The following PSPC1 variants were observed in gnomAD, a reference collection of about 807,000 sequenced individuals.
The protein encoded by PSPC1 is paraspeckle protein 1.
In PSPC1, 14 loss-of-function variants were observed where a neutral mutation model predicts 51.6. The observed-to-expected ratio is 0.27, with a 90% CI of 0.18 to 0.42. PSPC1 has a LOEUF of 0.42. PSPC1 is among the 10% of genes least tolerant of loss of function. The probability of loss-of-function intolerance (pLI) is 1.00; values close to 1 mark genes in which losing one functional copy is unlikely to be tolerated. For missense variants in PSPC1, 406 were observed against 701.1 expected, an observed-to-expected ratio of 0.58 and a Z score of 4.75; for synonymous variants, 193 against 231.9, an observed-to-expected ratio of 0.83 and a Z score of 1.53.
Position 19,759,407 on chromosome 13 carries a change from G to A in PSPC1, c.686C>T (p.Pro229Leu). The change falls in exon 3 of 9, where the codon CCA becomes CTA. Residue 229 changes from proline (P) to leucine (L), a missense_variant. Pro to Leu is a moderately conservative substitution (Grantham distance 98). This residue lies in a region of PSPC1 where 180 missense variants were observed against 337.9 expected (regional missense o/e 0.53). Coordinates refer to ENST00000338910, the MANE Select transcript of PSPC1 (RefSeq NM_001354909.2). ...GAFLLTTTPR[P>L]VIVEPMEQFD... The stretch of plus-strand genomic sequence containing the variant: ...CTGCTCCATGGGTTCCACAATGACT[G>A]GACGAGGGGTCCTGGATAGGTATAA... 1 of 1,613,824 alleles carries A rather than the reference G, an allele frequency of 6.2e-7. No individual in the cohort carries two copies. Among genetic ancestry groups the A allele is most frequent in the Non-Finnish European group, 8.5e-7 (1 of 1,179,800 alleles).
At chr13:19,766,345 CCT>C (rs1249737999) in intron 2 of PSPC1, among the ~76,000 whole-genome samples, 2 of 152,082 alleles carry the variant, frequency 1.3e-5, no homozygotes, top group Admixed American at 6.6e-5. Flanking sequence ...AGAACTGCAC[CCT>C]GAGTGACAGA....
chr13:19,679,440 G>T (rs1309017848), intron 6 of PSPC1, among the ~76,000 whole-genome samples: 4 of 152,158 alleles, frequency 2.6e-5, no homozygotes, highest in Non-Finnish European at 5.9e-5. Context: ...AGGTTGAAGT[G>T]AGCTGAGATC....
chr13:19,779,260 A>C (rs1174460740), intron 1 of PSPC1, among the ~76,000 whole-genome samples: 9 of 38,396 alleles, frequency 2.3e-4, no homozygotes, highest in East Asian at 2.7e-3. Context: ...CCCGGCAGCC[A>C]CCCCGTCCGG....
intron 6 of PSPC1, among the ~76,000 whole-genome samples, chr13:19,712,363 G>T (rs1467859551): frequency 6.6e-6 from 1 of 152,052 alleles, no homozygotes; most frequent in East Asian, 1.9e-4. Context: ...ATTGGCCTAT[G>T]ATTCACTGGC....
At chr13:19,746,206 A>G (rs1885964345) in intron 4 of PSPC1, among the ~76,000 whole-genome samples, 1 of 151,712 alleles carries the variant, frequency 6.6e-6, no homozygotes, top group Middle Eastern at 3.4e-3. Context: ...GTTCAAGATC[A>G]GCCTGACCAA....
At chr13:19,694,159 A>C (rs1234341379) in intron 6 of PSPC1, among the ~76,000 whole-genome samples, 1 of 145,346 alleles carries the variant, frequency 6.9e-6, no homozygotes, top group Non-Finnish European at 1.5e-5. Flanking sequence ...AACCATATAT[A>C]TATATATACA....
At chr13:19,692,469 A>C in intron 6 of PSPC1, among the ~76,000 whole-genome samples, 1 of 152,196 alleles carries the variant, frequency 6.6e-6, no homozygotes, top group East Asian at 1.9e-4. Context: ...CAAGAGCAAA[A>C]GTAAAAACAG....
intron 8 of PSPC1, among the ~76,000 whole-genome samples, chr13:19,704,659 A>G (rs1185309252): frequency 1.3e-5 from 2 of 152,206 alleles, no homozygotes; most frequent in African/African-American, 2.4e-5. Flanking sequence ...CGGTTTGCCT[A>G]AAGTCCGATT....
chr13:19,724,577 G>A (rs965442999), intron 6 of PSPC1, among the ~76,000 whole-genome samples: 9 of 151,208 alleles, frequency 6.0e-5, no homozygotes, highest in African/African-American at 1.5e-4. Flanking sequence ...GATTTTGGCC[G>A]GGTACGGTGG....
At chr13:19,696,186 T>C (rs1364082179) in intron 6 of PSPC1, among the ~76,000 whole-genome samples, 2 of 152,132 alleles carry the variant, frequency 1.3e-5, no homozygotes, top group Non-Finnish European at 2.9e-5. Context: ...CAAATTCTAT[T>C]TTAGGGTAGT....
At chr13:19,706,325 CATCTT>C (rs1880655848) in intron 7 of PSPC1, among the ~76,000 whole-genome samples, 2 of 151,550 alleles carry the variant, frequency 1.3e-5, no homozygotes, top group Middle Eastern at 3.5e-3. Context: ...ACTAGCCTCT[CATCTT>C]AGTTTTTTTT....
rs566321957 is a variant in PSPC1, at chr13:19,729,991, G to GT, written c.1158+247dup. ...CAAGATTTCTAACTTAATAGCATATGTTTTTTTAAAGATCAACCAAAATAA... is the reference window on the plus strand; with the variant it reads ...CAAGATTTCTAACTTAATAGCATATGTTTTTTTTAAAGATCAACCAAAATAA... On this transcript the variant is annotated intron_variant, in intron 6 of 8. Coordinates refer to ENST00000338910, the MANE Select transcript of PSPC1 (RefSeq NM_001354909.2). 4.5e-4 allele frequency among the ~76,000 whole-genome samples: 68 copies of GT among 152,126 alleles called. 1 individual carries two copies. Among genetic ancestry groups the GT allele is most frequent in the Non-Finnish European group, 8.4e-4 (57 of 67,998 alleles).
chr13:19,694,501 G>A (rs1391528997), intron 6 of PSPC1, among the ~76,000 whole-genome samples: 1 of 152,158 alleles, frequency 6.6e-6, no homozygotes, highest in Non-Finnish European at 1.5e-5. Context: ...TAAAAGTTGA[G>A]AAATTTTACA....
chr13:19,712,830 T>G (rs868806291), intron 6 of PSPC1, among the ~76,000 whole-genome samples: 30 of 152,222 alleles, frequency 2.0e-4, no homozygotes, highest in South Asian at 4.1e-4. Context: ...AGCTTTGCTC[T>G]TAAGAAAAAA....
intron 7 of PSPC1, chr13:19,677,680 TA>T: frequency 2.4e-6 from 1 of 414,964 alleles, no homozygotes; most frequent in Admixed American, 3.3e-5. Flanking sequence ...AAGAAACGAA[TA>T]CTCAAGGATC....
At chr13:19,732,831 G>A (rs1159661936) in intron 5 of PSPC1, among the ~76,000 whole-genome samples, 4 of 151,792 alleles carry the variant, frequency 2.6e-5, no homozygotes, top group Non-Finnish European at 5.9e-5. Context: ...GGAGGCTGAC[G>A]CAGGAGAATC....
intron 3 of PSPC1, among the ~76,000 whole-genome samples, chr13:19,756,198 A>G (rs1323685418): frequency 6.6e-6 from 1 of 152,158 alleles, no homozygotes; most frequent in Non-Finnish European, 1.5e-5. Flanking sequence ...AGACTGCACC[A>G]CTGCACTCCA....
chr13:19,684,852 G>A (rs1877684325), intron 6 of PSPC1, among the ~76,000 whole-genome samples: 1 of 152,186 alleles, frequency 6.6e-6, no homozygotes, highest in East Asian at 1.9e-4. Context: ...AATTAGAAGT[G>A]TATCCAGTAA....
downstream of PSPC1, chr13:19,671,341 ATTACT>A (rs1322130826): frequency 1.3e-6 from 2 of 1,519,548 alleles, no homozygotes; most frequent in Admixed American, 1.7e-5. Context: ...GTTGCTCCAG[ATTACT>A]TTATCAACAT....
Sources: allele counts gnomAD v4.1 joint callset (sites outside exome capture counted in the v4.1 genomes callset), GRCh38; gene constraint gnomAD v4.1.1; regional missense constraint gnomAD v4.1.1; transcripts MANE v1.5; gene names NCBI Gene and HGNC (gene_info 2026-07-23, HGNC 2026-07-21).